The following ADAM23 variants were observed in gnomAD, a reference collection of about 807,000 sequenced individuals.
ADAM23 encodes the protein disintegrin and metalloproteinase domain-containing protein 23.
ADAM23 carries 33 observed loss-of-function variants against 120.1 expected under a neutral mutation model. The observed-to-expected ratio is 0.27, with a 90% confidence interval of 0.21 to 0.37. The LOEUF (loss-of-function observed/expected upper bound fraction) is 0.37, where lower values mean the gene tolerates loss of function less well. ADAM23 is among the 10% of genes least tolerant of loss of function. The pLI, the probability that ADAM23 is intolerant of heterozygous loss-of-function variation, is 1.00. For missense variants in ADAM23, 862 were observed against 1,058.2 expected (o/e 0.81, Z 2.57); for synonymous variants, 367 against 375.2 (o/e 0.98, Z 0.25).
In ADAM23 at chr2:206,598,823, C is replaced by A. The variant is rs749817716; in HGVS notation, c.2359+2661C>A. 2.3e-4 allele frequency among the ~76,000 whole-genome samples: 35 copies of A among 151,950 alleles called. 1 individual carries two copies. Among genetic ancestry groups the A allele is most frequent in the Non-Finnish European group, 4.6e-4 (31 of 68,016 alleles). ...GCTGAGGCACGAGAATTGCTTGAAC[C>A]CAGGAGACAGAGGTTGCAGTGAGCC... On this transcript the variant is annotated intron_variant, in intron 24 of 25. Transcript: ENST00000264377.
chr2:206,456,057 G>A (rs376016837), intron 2 of ADAM23, among the ~76,000 whole-genome samples: 2 of 152,056 alleles, frequency 1.3e-5, no homozygotes, highest in African/African-American at 2.4e-5. Context: ...CCAATTTTCT[G>A]TATTAGTTCG....
At chr2:206,503,278 G>C (rs1559237387) in intron 3 of ADAM23, among the ~76,000 whole-genome samples, 1 of 152,040 alleles carries the variant, frequency 6.6e-6, no homozygotes, top group Non-Finnish European at 1.5e-5. Context: ...CCTAGGCATA[G>C]TTACTCTCTG....
At chr2:206,489,823 T>G (rs1696093511) in intron 3 of ADAM23, among the ~76,000 whole-genome samples, 1 of 152,208 alleles carries the variant, frequency 6.6e-6, no homozygotes, top group Non-Finnish European at 1.5e-5. Flanking sequence ...TTCTGATGAT[T>G]GCATATCTGT....
rs369127911 is a variant in ADAM23, at chr2:206,530,985, G to T, written c.573+37G>T. 2.3e-4 allele frequency: 362 copies of T among 1,583,846 alleles called. 2 individuals carry two copies. In the African/African-American group the frequency reaches 4.2e-3, roughly 19 times the overall value. ...GGCGTCGGCAAGTACTCTAGTATAA[G>T]TGTGCTTATCATAGAGTTGATCAGT... On this transcript the variant is annotated intron_variant, in intron 4 of 25. Coordinates refer to ENST00000264377, the MANE Select transcript of ADAM23 (RefSeq NM_003812.4).
chr2:206,533,068 A>T (rs1697099769), intron 4 of ADAM23, among the ~76,000 whole-genome samples: 1 of 152,172 alleles, frequency 6.6e-6, no homozygotes, highest in South Asian at 2.1e-4. Flanking sequence ...CTTCATGAAG[A>T]TTGTCTTTTA....
intron 3 of ADAM23, among the ~76,000 whole-genome samples, chr2:206,518,788 C>A (rs913284312): frequency 6.6e-6 from 1 of 152,130 alleles, no homozygotes; most frequent in Non-Finnish European, 1.5e-5. Context: ...AAGAAAATTT[C>A]AGCAGCTCTT....
intron 3 of ADAM23, among the ~76,000 whole-genome samples, chr2:206,525,970 ATACTAGGGAATCTTGG>A (rs1182213236): frequency 6.6e-6 from 1 of 152,140 alleles, no homozygotes; most frequent in African/African-American, 2.4e-5. Context: ...GCTTTCCTAG[ATACTAGGGAATCTTGG>A]TACCTAACTT....
At chr2:206,471,808 A>G (rs1302044998) in intron 2 of ADAM23, among the ~76,000 whole-genome samples, 1 of 152,152 alleles carries the variant, frequency 6.6e-6, no homozygotes, top group Non-Finnish European at 1.5e-5. Context: ...ATTAAATGTT[A>G]CTATTCAGGA....
intron 2 of ADAM23, among the ~76,000 whole-genome samples, chr2:206,466,806 A>G (rs1415123619): frequency 6.6e-6 from 1 of 152,226 alleles, no homozygotes; most frequent in Non-Finnish European, 1.5e-5. Context: ...CTGCGATGCC[A>G]GCTCCAAGGG....
chr2:206,585,264 A>G (rs564675330), intron 18 of ADAM23, among the ~76,000 whole-genome samples: 155 of 152,212 alleles, frequency 1.0e-3, no homozygotes, highest in Middle Eastern at 3.2e-3. Context: ...CATAAGGTTA[A>G]GAGTGAGTGA....
At chr2:206,592,577 C>T in intron 21 of ADAM23, 40 bp from the exon 22 acceptor site, 1 of 1,570,190 alleles carries the variant, frequency 6.4e-7, no homozygotes, top group South Asian at 1.2e-5. Flanking sequence ...GAGCTTGATT[C>T]CTCCTGTCTG....
chr2:206,563,727 CTTTTTTTT>C (rs3084932), intron 13 of ADAM23, among the ~76,000 whole-genome samples: 146 of 140,492 alleles, frequency 1.0e-3, no homozygotes, highest in Non-Finnish European at 9.4e-4. Flanking sequence ...TCCTAAAATT[CTTTTTTTT>C]TTTTTTTTTT....
rs532876895 is a variant in ADAM23, at chr2:206,503,840, G to A, written c.509+22532G>A. Among the ~76,000 whole-genome samples, 6 of 152,192 alleles carry A rather than the reference G, an allele frequency of 3.9e-5. No individual in the cohort carries two copies. The South Asian group carries it at 1.2e-3, about 31-fold the overall frequency. Reference sequence around the variant, plus strand: ...GCTATTCATGGAAGCATTAAGTAAGGTTTTACTTAAAAACCACTCAGAGTT... The same window carrying A: ...GCTATTCATGGAAGCATTAAGTAAGATTTTACTTAAAAACCACTCAGAGTT... On this transcript the variant is annotated intron_variant, in intron 3 of 25. Transcript: ENST00000264377.
chr2:206,553,908 G>A (rs549300441), intron 9 of ADAM23, among the ~76,000 whole-genome samples: 7 of 152,168 alleles, frequency 4.6e-5, no homozygotes, highest in African/African-American at 1.7e-4. Context: ...TCACCTTCGG[G>A]TTGAAAAACC....
chr2:206,612,049 A>C (rs915888119), intron 25 of ADAM23, among the ~76,000 whole-genome samples: 5 of 152,246 alleles, frequency 3.3e-5, no homozygotes, highest in Admixed American at 1.3e-4. Context: ...AATAGGGTGA[A>C]GTATTTCATG....
At chr2:206,595,250 A>T (rs931784412) in intron 23 of ADAM23, among the ~76,000 whole-genome samples, 1 of 152,204 alleles carries the variant, frequency 6.6e-6, no homozygotes, top group Non-Finnish European at 1.5e-5. Flanking sequence ...AATATTTCAG[A>T]TTAAAAAGCT....
intron 2 of ADAM23, among the ~76,000 whole-genome samples, chr2:206,451,877 G>A (rs1695202839): frequency 6.6e-6 from 1 of 152,210 alleles, no homozygotes; most frequent in South Asian, 2.1e-4. Context: ...GCATAGATGA[G>A]TGCCAATTAT....
At position 206,615,121 on chromosome 2, in the gene ADAM23, G is replaced by A. The variant is rs146511594; in HGVS notation, c.2451-2458G>A. ...TTGAAAGAAGAACTAAAGGCTTTAC[G>A]GCTCTGAGACGGTTATTGTTACTGA... On this transcript the variant is annotated intron_variant, in intron 25 of 25. Coordinates refer to ENST00000264377, the MANE Select transcript of ADAM23 (RefSeq NM_003812.4). 1.6e-3 allele frequency among the ~76,000 whole-genome samples: 236 copies of A among 152,240 alleles called. 5 individuals carry two copies. In the East Asian group the frequency reaches 0.038, roughly 24 times the overall value.
chr2:206,489,091 G>A (rs1398917491), intron 3 of ADAM23, among the ~76,000 whole-genome samples: 1 of 152,166 alleles, frequency 6.6e-6, no homozygotes, highest in East Asian at 1.9e-4. Context: ...GAAGAAACAG[G>A]CCTCCTGCCT....
Sources: gnomAD v4.1 joint callset for allele counts (sites outside exome capture counted in the v4.1 genomes callset) on GRCh38, gnomAD v4.1.1 for gene constraint, MANE v1.5 for transcripts, NCBI Gene and HGNC (gene_info 2026-07-23, HGNC 2026-07-21) for gene names.